The following KRT39 variants were observed in gnomAD, a reference collection of about 807,000 sequenced individuals.
KRT39 encodes the protein keratin 39, also known as keratin, type I cytoskeletal 39.
Under a neutral mutation model 54.8 loss-of-function variants are expected in KRT39, and 47 were observed. The ratio of observed to expected loss-of-function variants is 0.86; its 90% confidence interval spans 0.68 to 1.09. The LOEUF is 1.09. Among genes scored for constraint, KRT39 ranks in the 50% least tolerant of loss-of-function variants. KRT39 has a pLI of 0.00. For missense variants in KRT39, 580 were observed against 598.5 expected, an observed-to-expected ratio of 0.97 and a Z score of 0.32; for synonymous variants, 207 against 227.9, an observed-to-expected ratio of 0.91 and a Z score of 0.83.
Position 40,958,512 on chromosome 17 carries a change from G to T in KRT39, c.*89C>A. 6.9e-7 allele frequency: 1 copy of T among 1,447,944 alleles called. No individual in the cohort carries two copies. Among genetic ancestry groups the T allele is most frequent in the Non-Finnish European group, 9.3e-7 (1 of 1,072,982 alleles). The allele number at this position is 1,447,944 out of a possible 1,614,324, so 89.7% of individuals were successfully genotyped here. On this transcript the variant is annotated 3_prime_UTR_variant, in exon 7 of 7. Transcript: ENST00000355612. ...GTAGTAAGAAACTAAGTACCTTAAG[G>T]GACTGGGGAGTTTTCTTAAACCTCT...
chr17:40,959,156 G>C (rs1458453292), intron 6 of KRT39, among the ~76,000 whole-genome samples: 1 of 152,212 alleles, frequency 6.6e-6, no homozygotes, highest in Admixed American at 6.5e-5. Flanking sequence ...GCAGAGACCA[G>C]CTCTGTCCTT....
intron 3 of KRT39, 89 bp downstream of exon 3, chr17:40,963,538 G>A (rs903688130): frequency 2.9e-5 from 36 of 1,238,506 alleles, no homozygotes; most frequent in Non-Finnish European, 3.7e-5. Flanking sequence ...TAATACAAGC[G>A]GGCACACCCT....
chr17:40,965,047 A>AT (rs200484411), intron 1 of KRT39, among the ~76,000 whole-genome samples: 37,708 of 151,520 alleles, frequency 0.25, 6,390 homozygotes, highest in African/African-American at 0.48. Flanking sequence ...ATATAAAAAA[A>AT]AAAAAAATTA....
In KRT39 at chr17:40,963,714, A is replaced by G; in HGVS notation, c.621T>C (p.Asn207=). 1 of 1,611,520 alleles carries G rather than the reference A, an allele frequency of 6.2e-7. No homozygotes were observed. Among genetic ancestry groups the G allele is most frequent in the Middle Eastern group, 1.7e-4 (1 of 6,052 alleles). ...SDANGLKQIL[N]VLTLGKADLE... is the part of the protein sequence containing the mutation. The stretch of plus-strand genomic sequence containing the variant: ...GGTCGGCCTTGCCCAGGGTCAGCAC[A>G]TTCAGGATCTGCTTGAGGCCATTGG... Residue 207 remains asparagine (N), a synonymous_variant, in exon 3 of 7, where the codon AAT becomes AAC. Coordinates refer to ENST00000355612, the MANE Select transcript of KRT39 (RefSeq NM_213656.4).
chr17:40,965,775 T>A (rs1044140390), intron 1 of KRT39, among the ~76,000 whole-genome samples: 1 of 152,236 alleles, frequency 6.6e-6, no homozygotes, highest in Admixed American at 6.5e-5. Context: ...TTTCCCTATT[T>A]TTATTTAAAA....
At chr17:40,961,140 A>G (rs981605814) in intron 5 of KRT39, among the ~76,000 whole-genome samples, 484 of 152,010 alleles carry the variant, frequency 3.2e-3, no homozygotes, top group Non-Finnish European at 4.4e-3. Flanking sequence ...AAAAAGAAAA[A>G]AAAAAAAAAG....
chr17:40,965,134 G>A (rs940476893), intron 1 of KRT39, among the ~76,000 whole-genome samples: 19 of 151,992 alleles, frequency 1.3e-4, no homozygotes, highest in African/African-American at 4.6e-4. Flanking sequence ...AACCCAGGAA[G>A]CGGAGCTAGC....
chr17:40,960,661 T>C, intron 5 of KRT39, 160 bp from the exon 6 acceptor site: 1 of 611,374 alleles, frequency 1.6e-6, no homozygotes, highest in Non-Finnish European at 2.9e-6. Flanking sequence ...AAAACCCAAA[T>C]GATCAACTAT....
chr17:40,964,617 C>G, intron 1 of KRT39, 89 bp from the exon 2 acceptor site: 1 of 859,056 alleles, frequency 1.2e-6, no homozygotes. Context: ...TGTCAAGTAA[C>G]AGGGGAAGGC....
chr17:40,966,231 A>C (rs1039094791), intron 1 of KRT39, among the ~76,000 whole-genome samples, 158 bp downstream of exon 1: 1 of 152,178 alleles, frequency 6.6e-6, no homozygotes, highest in Non-Finnish European at 1.5e-5. Context: ...CAGACTCTGA[A>C]TGCTGCCTCA....
intron 6 of KRT39, 71 bp downstream of exon 6, chr17:40,960,210 G>T (rs765540838): frequency 2.6e-5 from 35 of 1,353,334 alleles, no homozygotes; most frequent in Non-Finnish European, 3.6e-5. Context: ...GACCCCTGTT[G>T]CCAGTGGCAG....
chr17:40,960,550 G>C (rs893193971), intron 5 of KRT39, 49 bp from the exon 6 acceptor site: 1 of 1,392,906 alleles, frequency 7.2e-7, no homozygotes, highest in South Asian at 1.2e-5. Flanking sequence ...TTTAAGCCCA[G>C]GTCACCTGTG....
rs1163279778 is a variant in KRT39 at position 40,962,529 on chromosome 17, C to A, written c.743G>T (p.Arg248Ile). 6.2e-7 allele frequency: 1 copy of A among 1,613,980 alleles called. No individual in the cohort carries two copies. The highest frequency in any genetic ancestry group is 2.2e-5 in the East Asian group (1 of 44,888). Residue 248 changes from arginine (R) to isoleucine (I), a missense_variant, in exon 4 of 7, where the codon AGA becomes ATA. Arg to Ile is a moderately conservative substitution (Grantham distance 97, BLOSUM62 -3). Transcript: ENST00000355612. Reference protein sequence around the residue: ...INSLQCQLGERLDIEVTAAPS... With the variant: ...INSLQCQLGEILDIEVTAAPS... Reference sequence around the variant, plus strand: ...GGCAGCAGTCACTTCAATGTCAAGTCTCTCCCCAAGCTGACACTGTAAAGA... The same window carrying A: ...GGCAGCAGTCACTTCAATGTCAAGTATCTCCCCAAGCTGACACTGTAAAGA...
chr17:40,966,428 G>A lies in KRT39; in HGVS notation c.429C>T (p.Tyr143=). 1 of 1,614,086 alleles carries A rather than the reference G, an allele frequency of 6.2e-7. No individual in the cohort carries two copies. Among genetic ancestry groups the A allele is most frequent in the Non-Finnish European group, 8.5e-7 (1 of 1,179,936 alleles). ...CCTCAATGGTAGTGTAGTAAGACAGGTAATCAGGACATAGAACAGGGAGCT... is the reference window on the plus strand; with the variant it reads ...CCTCAATGGTAGTGTAGTAAGACAGATAATCAGGACATAGAACAGGGAGCT... ...NKELPVLCPD[Y]LSYYTTIEEL... The change falls in exon 1 of 7, where the codon TAC becomes TAT. Residue 143 remains tyrosine (Y), a synonymous_variant. Transcript: ENST00000355612.
chr17:40,966,020 C>T (rs1911374720), intron 1 of KRT39, among the ~76,000 whole-genome samples: 1 of 151,846 alleles, frequency 6.6e-6, no homozygotes, highest in East Asian at 1.9e-4. Context: ...GTAGCTGGGA[C>T]CACAGGCATG....
intron 5 of KRT39, among the ~76,000 whole-genome samples, chr17:40,961,083 T>A (rs951024353): frequency 6.6e-6 from 1 of 150,720 alleles, no homozygotes; most frequent in African/African-American, 2.4e-5. Flanking sequence ...TGACCCGAGA[T>A]CGTGCCACTG....
intron 2 of KRT39, chr17:40,964,100 C>T (rs561722978): frequency 1.7e-5 from 7 of 415,084 alleles, no homozygotes; most frequent in South Asian, 7.1e-5. Flanking sequence ...GTCCAAGTTT[C>T]GGTTTTGACT....
rs1371722003 is a variant in KRT39, at chr17:40,960,423, C to T, written c.1075G>A (p.Asp359Asn). ...TCTGCCAGCTGAGCTTCCAGGTTAT[C>T]AATCAGACTCTGGATCTGGGTCAGC... ...ALLTQIQSLIDNLEAQLAEIR... is the reference protein window; with the variant it reads ...ALLTQIQSLINNLEAQLAEIR... Residue 359 changes from aspartate (D) to asparagine (N), a missense_variant, in exon 6 of 7, where the codon GAT becomes AAT. Transcript: ENST00000355612. 5 of 1,614,118 alleles carry T rather than the reference C, an allele frequency of 3.1e-6. No individual in the cohort carries two copies. The South Asian group carries it at 5.5e-5, about 18-fold the overall frequency.
intron 5 of KRT39, among the ~76,000 whole-genome samples, chr17:40,960,907 G>A (rs1356338972): frequency 6.6e-6 from 1 of 152,108 alleles, no homozygotes; most frequent in Non-Finnish European, 1.5e-5. Context: ...CCAGGTGGGT[G>A]GATCACAAGG....
Sources: allele counts gnomAD v4.1 joint callset (sites outside exome capture counted in the v4.1 genomes callset), GRCh38; gene constraint gnomAD v4.1.1; transcripts MANE v1.5; gene names NCBI Gene and HGNC (gene_info 2026-07-23, HGNC 2026-07-21).